The following SLC25A12 variants were observed in gnomAD, a reference collection of about 807,000 sequenced individuals.
SLC25A12 encodes the protein solute carrier family 25 member 12, also known as electrogenic aspartate/glutamate antiporter SLC25A12, mitochondrial.
SLC25A12 carries 32 observed loss-of-function variants against 83.3 expected under a neutral mutation model. The observed-to-expected ratio is 0.38, with a 90% CI of 0.29 to 0.52. The LOEUF (loss-of-function observed/expected upper bound fraction) is 0.52, where lower values mean the gene tolerates loss of function less well. Among genes scored for constraint, SLC25A12 ranks in the 20% least tolerant of loss-of-function variants. The pLI is 0.84. For missense variants in SLC25A12, 611 were observed against 835.6 expected, an observed-to-expected ratio of 0.73 and a Z score of 3.31; for synonymous variants, 267 against 291.1, an observed-to-expected ratio of 0.92 and a Z score of 0.84.
chr2:171,854,767 A>G (rs538001347), intron 4 of SLC25A12, among the ~76,000 whole-genome samples: 33 of 152,328 alleles, frequency 2.2e-4, no homozygotes, highest in Admixed American at 1.8e-3. Flanking sequence ...TGACCATTGC[A>G]GTGATAATTT....
At chr2:171,822,751 T>C (rs1426871054) in intron 9 of SLC25A12, among the ~76,000 whole-genome samples, 1 of 152,196 alleles carries the variant, frequency 6.6e-6, no homozygotes, top group African/African-American at 2.4e-5. Flanking sequence ...GTGGCCAGGC[T>C]CTTAACTACT....
intron 8 of SLC25A12, among the ~76,000 whole-genome samples, chr2:171,831,458 A>G (rs1684429526): frequency 6.6e-6 from 1 of 152,260 alleles, no homozygotes. Context: ...GAAGGTTATG[A>G]AGAAAAGAAA....
At position 171,819,378 on chromosome 2, in the gene SLC25A12, ATATATAAT is replaced by A. The variant is rs1400352424; in HGVS notation, c.931-4184_931-4177del. Among the ~76,000 whole-genome samples the A allele has an allele frequency of 2.2e-4, 9 of 41,486 alleles. No individual in the cohort carries two copies. The South Asian group carries it at 2.6e-3, about 12-fold the overall frequency. 27.2% of individuals were successfully genotyped at this position (41,486 alleles called of 152,430 possible). A position where few individuals can be genotyped will look rare whatever the true frequency, so the allele number is the denominator to read the frequency against. On this transcript the variant is annotated intron_variant, in intron 9 of 17. Coordinates refer to ENST00000422440, the MANE Select transcript of SLC25A12 (RefSeq NM_003705.5). ...GTATTTATATTATATATAATATATTATATATAATATATATTATATAATTATATAAGTAT... is the reference window on the plus strand; with the variant it reads ...GTATTTATATTATATATAATATATTAATATATTATATAATTATATAAGTAT...
rs373639168 is a variant in SLC25A12 at position 171,804,665 on chromosome 2, A to G, written c.1305+4941T>C. Among the ~76,000 whole-genome samples, 23 of 152,364 alleles carry G rather than the reference A, an allele frequency of 1.5e-4. No individual in the cohort carries two copies. The East Asian group carries it at 1.9e-3, about 13-fold the overall frequency. The stretch of plus-strand genomic sequence containing the variant: ...AGTGGCTCGTATCTGTAACTCTAGT[A>G]CTTTGGGAGGAGGAGGCAGAAGGAT... On this transcript the variant is annotated intron_variant, in intron 13 of 17. Transcript: ENST00000422440.
Position 171,798,537 on chromosome 2 carries a change from G to C in SLC25A12, c.1306-4770C>G, listed in dbSNP as rs142208476. 5.7e-4 allele frequency among the ~76,000 whole-genome samples: 86 copies of C among 152,210 alleles called. 1 individual carries two copies. The highest frequency in any genetic ancestry group is 8.2e-4 in the Non-Finnish European group (56 of 68,014). ...GAAAATCTAACTTCAATTTATTTAA[G>C]GTCACATCAACTCCAGATGAACACA... On this transcript the variant is annotated intron_variant, in intron 13 of 17. Transcript: ENST00000422440.
At chr2:171,826,924 A>G in intron 8 of SLC25A12, 42 bp from the exon 9 acceptor site, 1 of 1,029,892 alleles carries the variant, frequency 9.7e-7, no homozygotes, top group East Asian at 2.4e-5. Context: ...ACACTGACAA[A>G]CTCCTCACGC....
intron 9 of SLC25A12, among the ~76,000 whole-genome samples, chr2:171,823,245 T>C (rs544193386): frequency 2.3e-4 from 35 of 152,344 alleles, no homozygotes; most frequent in African/African-American, 8.4e-4. Context: ...CTGTATTCCT[T>C]ATAAAATTTT....
chr2:171,825,036 T>G (rs1170765782), intron 9 of SLC25A12, among the ~76,000 whole-genome samples: 1 of 152,136 alleles, frequency 6.6e-6, no homozygotes, highest in Non-Finnish European at 1.5e-5. Context: ...CTGGAACTTC[T>G]GGGCTCAAGC....
At chr2:171,820,480 A>G (rs13021571) in intron 9 of SLC25A12, among the ~76,000 whole-genome samples, 114,361 of 149,858 alleles carry the variant, frequency 0.76, 44,810 homozygotes, top group East Asian at 0.89. Context: ...TGTAATCCCA[A>G]CACTTTGGGA....
intron 2 of SLC25A12, among the ~76,000 whole-genome samples, chr2:171,886,391 C>T (rs935967637): frequency 1.5e-4 from 23 of 151,336 alleles, no homozygotes; most frequent in African/African-American, 4.9e-4. Context: ...ACCACCACAC[C>T]CAGCTAGGTT....
At chr2:171,847,632 C>A (rs141114307) in intron 4 of SLC25A12, among the ~76,000 whole-genome samples, 1 of 152,184 alleles carries the variant, frequency 6.6e-6, no homozygotes, top group African/African-American at 2.4e-5. Flanking sequence ...TAGTTCTGGC[C>A]TGGAAGAAAG....
chr2:171,787,817 C>A lies in SLC25A12; in HGVS notation c.1716G>T (p.Gly572=), dbSNP rs530436359. ...CAGTCCCTTTCCAAAATGCTGAGGG[C>A]CCTTCTTCCCGGAGAATCTTCCTGA... ...DCFRKILREE[G]PSAFWKGTAA... Residue 572 remains glycine, a synonymous_variant, in exon 16 of 18, where the codon GGG becomes GGT. Coordinates refer to ENST00000422440, the MANE Select transcript of SLC25A12 (RefSeq NM_003705.5). 3.3e-5 allele frequency: 53 copies of A among 1,614,208 alleles called. No homozygotes were observed. The South Asian group carries it at 5.5e-4, about 17-fold the overall frequency.
chr2:171,864,145 C>G (rs574442338), intron 3 of SLC25A12, among the ~76,000 whole-genome samples: 1 of 152,302 alleles, frequency 6.6e-6, no homozygotes, highest in Admixed American at 6.5e-5. Context: ...TTTCTAAAAT[C>G]TGTTTACATC....
At chr2:171,806,325 C>G (rs1286179492) in intron 13 of SLC25A12, among the ~76,000 whole-genome samples, 2 of 152,100 alleles carry the variant, frequency 1.3e-5, no homozygotes, top group African/African-American at 4.8e-5. Context: ...TGCAGTGGCA[C>G]ATGCCTGTAA....
At chr2:171,786,836 CCTAA>C (rs916142869) in intron 17 of SLC25A12, among the ~76,000 whole-genome samples, 36 of 152,190 alleles carry the variant, frequency 2.4e-4, no homozygotes, top group African/African-American at 8.2e-4. Context: ...AACATCTGCA[CCTAA>C]CTAATAATAA....
intron 3 of SLC25A12, among the ~76,000 whole-genome samples, chr2:171,866,628 G>T: frequency 7.0e-6 from 1 of 142,782 alleles, no homozygotes; most frequent in South Asian, 2.2e-4. Flanking sequence ...CGGCTGGCCG[G>T]GCGGGGGGCT....
chr2:171,855,809 A>C (rs774264225), intron 4 of SLC25A12, 25 bp downstream of exon 4: 1 of 1,277,156 alleles, frequency 7.8e-7, no homozygotes, highest in African/African-American at 1.5e-5. Context: ...TTAACTTATC[A>C]CTTATAATCT....
chr2:171,809,586 C>T lies in SLC25A12; in HGVS notation c.1305+20G>A, dbSNP rs781367536. On this transcript the variant is annotated intron_variant, in intron 13 of 17. Transcript: ENST00000422440. Reference sequence around the variant, plus strand: ...AACGGAATGTATTTGTCACAAGAAGCGCCTAACAGTAATACTTACACAGCC... The same window carrying T: ...AACGGAATGTATTTGTCACAAGAAGTGCCTAACAGTAATACTTACACAGCC... The T allele has an allele frequency of 2.6e-5, 41 of 1,582,360 alleles. No homozygotes were observed. Among genetic ancestry groups the T allele is most frequent in the East Asian group, 4.5e-5 (2 of 44,744 alleles).
intron 7 of SLC25A12, 54 bp downstream of exon 7, chr2:171,834,673 T>C: frequency 6.3e-7 from 1 of 1,582,572 alleles, no homozygotes; most frequent in South Asian, 1.1e-5. Context: ...CATGCCTCAG[T>C]GAAGAAAAGT....
Sources: allele counts gnomAD v4.1 joint callset (sites outside exome capture counted in the v4.1 genomes callset), GRCh38; gene constraint gnomAD v4.1.1; transcripts MANE v1.5; gene names NCBI Gene and HGNC (gene_info 2026-07-23, HGNC 2026-07-21).